The following MAMLD1 variants were observed in gnomAD, a reference collection of about 807,000 sequenced individuals.
MAMLD1 encodes the protein mastermind like domain containing 1.
MAMLD1 carries 14 observed loss-of-function variants against 45.0 expected under a neutral mutation model. The observed-to-expected ratio is 0.31, with a 90% CI of 0.21 to 0.49. The LOEUF is 0.49. Among genes scored for constraint, MAMLD1 ranks in the 20% least tolerant of loss-of-function variants. MAMLD1 has a pLI of 0.99. For synonymous variants in MAMLD1, 254 were observed against 247.8 expected, an observed-to-expected ratio of 1.02 and a Z score of -0.24; for missense variants, 543 against 603.6, an observed-to-expected ratio of 0.90 and a Z score of 1.05.
chrX:150,403,143 T>G (rs965031344), intron 1 of MAMLD1, among the ~76,000 whole-genome samples: 1 of 111,533 alleles, frequency 9.0e-6, no homozygotes, highest in Non-Finnish European at 1.9e-5. Context: ...AAAGTACTGA[T>G]CCATGCTACA....
chrX:150,440,436 A>G (rs1388547736), intron 1 of MAMLD1, among the ~76,000 whole-genome samples: 1 of 109,894 alleles, frequency 9.1e-6, no homozygotes, highest in Non-Finnish European at 1.9e-5. Flanking sequence ...AATTGGTGCT[A>G]ATTCTTCTTT....
At chrX:150,480,999 G>A (rs2036735391) in intron 5 of MAMLD1, among the ~76,000 whole-genome samples, 1 of 112,795 alleles carries the variant, frequency 8.9e-6, no homozygotes, top group African/African-American at 3.2e-5. Flanking sequence ...GCGTAGCTGT[G>A]GAGACACATA....
At chrX:150,426,252 A>T (rs1390505029) in intron 1 of MAMLD1, among the ~76,000 whole-genome samples, 2 of 112,377 alleles carry the variant, frequency 1.8e-5, no homozygotes, top group African/African-American at 6.5e-5. Context: ...GCTAGTCCCT[A>T]GTACAGCAGG....
At position 150,471,379 on chromosome X, in the gene MAMLD1, ACAG is replaced by A; in HGVS notation, c.1817_1819del (p.Gln606del). On this transcript the variant is annotated inframe_deletion, in exon 4 of 8. Coordinates refer to ENST00000370401, the MANE Select transcript of MAMLD1 (RefSeq NM_005491.5). ...TGCAGCTGCAGCAGCAGCAGCAGCA[ACAG>A]CAGCAGCAGCCTGACCATTCTTCAT... 1 of 1,210,838 alleles carries A rather than the reference ACAG, an allele frequency of 8.3e-7. No homozygotes were observed. The highest frequency in any genetic ancestry group is 1.1e-6 in the Non-Finnish European group (1 of 894,719).
chrX:150,481,613 T>C (rs1359203630), intron 5 of MAMLD1, among the ~76,000 whole-genome samples: 10 of 110,966 alleles, frequency 9.0e-5, no homozygotes, highest in Non-Finnish European at 1.3e-4. Flanking sequence ...GAGGATCGCT[T>C]GAGGCCAGGA....
chrX:150,457,992 T>G (rs921611401), intron 2 of MAMLD1, among the ~76,000 whole-genome samples: 6 of 111,602 alleles, frequency 5.4e-5, no homozygotes, highest in Non-Finnish European at 7.5e-5. Context: ...GAAGAGTCTT[T>G]GGACTGACTC....
At chrX:150,486,381 CGCCTACTA>C (rs1332310539) in intron 5 of MAMLD1, among the ~76,000 whole-genome samples, 5 of 111,791 alleles carry the variant, frequency 4.5e-5, no homozygotes, top group African/African-American at 1.6e-4. Context: ...ATGGATCCAA[CGCCTACTA>C]GCCTACTGTG....
intron 3 of MAMLD1, among the ~76,000 whole-genome samples, chrX:150,465,697 G>A (rs1557405861): frequency 8.9e-6 from 1 of 112,385 alleles, no homozygotes; most frequent in Non-Finnish European, 1.9e-5. Flanking sequence ...TTAACTAATT[G>A]TCTGAAAGCA....
intron 5 of MAMLD1, among the ~76,000 whole-genome samples, chrX:150,477,937 C>A (rs1339745004): frequency 9.0e-6 from 1 of 111,463 alleles, no homozygotes. Flanking sequence ...ATAGTCATGG[C>A]GCACAGAGCA....
intron 6 of MAMLD1, chrX:150,504,467 C>T: frequency 1.4e-6 from 1 of 723,328 alleles, no homozygotes; most frequent in African/African-American, 2.3e-5. Flanking sequence ...GAAGAACAAG[C>T]AGTGCTTTCC....
intron 7 of MAMLD1, among the ~76,000 whole-genome samples, chrX:150,511,601 C>A (rs1425023559): frequency 8.9e-6 from 1 of 112,075 alleles, no homozygotes; most frequent in East Asian, 2.8e-4. Flanking sequence ...CCCACCTGGC[C>A]CCTTCCTTCC....
intron 1 of MAMLD1, among the ~76,000 whole-genome samples, chrX:150,413,694 C>T (rs781788051): frequency 1.3e-4 from 14 of 109,503 alleles, no homozygotes; most frequent in Non-Finnish European, 2.3e-4. Context: ...AAGAATGTAC[C>T]CCTGAAAGAG....
At chrX:150,413,978 A>C (rs1247229414) in intron 1 of MAMLD1, among the ~76,000 whole-genome samples, 1 of 92,819 alleles carries the variant, frequency 1.1e-5, no homozygotes, top group African/African-American at 3.9e-5. Context: ...GCACTTGCTA[A>C]CAAGACTGTG....
chrX:150,428,450 T>C (rs1266097635), intron 1 of MAMLD1, among the ~76,000 whole-genome samples: 3 of 112,832 alleles, frequency 2.7e-5, no homozygotes, highest in African/African-American at 9.7e-5. Flanking sequence ...AGTTCCTCTT[T>C]ATCCCTGGAT....
intron 1 of MAMLD1, among the ~76,000 whole-genome samples, chrX:150,384,833 A>G (rs1557401994): frequency 8.9e-6 from 1 of 111,741 alleles, no homozygotes; most frequent in African/African-American, 3.3e-5. Context: ...GGTGTACATG[A>G]TTCGATATAT....
chrX:150,368,941 A>G, intron 1 of MAMLD1, among the ~76,000 whole-genome samples: 1 of 111,970 alleles, frequency 8.9e-6, no homozygotes, highest in Non-Finnish European at 1.9e-5. Flanking sequence ...TGGTACCAGT[A>G]CCATGCTGTT....
chrX:150,475,276 C>T (rs1004557630), intron 5 of MAMLD1, among the ~76,000 whole-genome samples: 9 of 111,261 alleles, frequency 8.1e-5, no homozygotes, highest in African/African-American at 2.9e-4. Flanking sequence ...ACTATATTGC[C>T]CAGTCTGGTC....
At chrX:150,367,777 T>C (rs1366309477) in intron 1 of MAMLD1, among the ~76,000 whole-genome samples, 1 of 109,288 alleles carries the variant, frequency 9.2e-6, no homozygotes, top group East Asian at 2.9e-4. Context: ...TTCTCATTGT[T>C]CAATTCCCAC....
intron 1 of MAMLD1, among the ~76,000 whole-genome samples, chrX:150,370,569 A>G (rs2031893316): frequency 9.0e-6 from 1 of 111,375 alleles, no homozygotes; most frequent in South Asian, 3.9e-4. Context: ...TTGGAGGTGC[A>G]TAGTCCTGTG....
Sources: gnomAD v4.1 joint callset for allele counts (sites outside exome capture counted in the v4.1 genomes callset) on GRCh38, gnomAD v4.1.1 for gene constraint, MANE v1.5 for transcripts, NCBI Gene and HGNC (gene_info 2026-07-23, HGNC 2026-07-21) for gene names.